The following ROS1 variants were observed in gnomAD, a reference collection of about 807,000 sequenced individuals.
ROS1 encodes ROS proto-oncogene 1, receptor tyrosine kinase, also known as proto-oncogene tyrosine-protein kinase ROS.
ROS1 carries 263 observed loss-of-function variants against 273.5 expected under a neutral mutation model. That is an observed-to-expected ratio of 0.96 (90% CI 0.87 to 1.06). The LOEUF (loss-of-function observed/expected upper bound fraction) is 1.06. ROS1 is among the 50% of genes least tolerant of loss of function. ROS1 has a pLI of 0.00. For synonymous variants in ROS1, 1,008 were observed against 954.1 expected (o/e 1.06, Z -1.04); for missense variants, 2,833 against 2,751.1 (o/e 1.03, Z -0.67).
chr6:117,383,379 T>C lies in ROS1; in HGVS notation c.2419A>G (p.Thr807Ala), dbSNP rs780771072. The change falls in exon 17 of 44, where the codon ACC becomes GCC. Residue 807 changes from threonine to alanine, a missense_variant. By Grantham distance (58) the Thr-to-Ala change is moderately conservative. Coordinates refer to ENST00000368507, the MANE Select transcript of ROS1 (RefSeq NM_001378902.1). ...YWTTLYSVES[T>A]RLNGESSLVL... is the part of the protein sequence containing the mutation. ...AGGGAACTTTCCCCATTTAGTCTGG[T>C]GCTTTCCACTGAATAGAGTGTGGTC... The C allele has an allele frequency of 6.2e-7, 1 of 1,614,024 alleles. No homozygotes were observed. The highest frequency in any genetic ancestry group is 8.5e-7 in the Non-Finnish European group (1 of 1,179,980).
chr6:117,290,537 AT>A (rs1773761169), intron 43 of ROS1, among the ~76,000 whole-genome samples: 1 of 152,248 alleles, frequency 6.6e-6, no homozygotes, highest in Non-Finnish European at 1.5e-5. Context: ...AGAGAGAAAT[AT>A]TAAAATAAAG....
chr6:117,405,770 G>A (rs1040087349), intron 5 of ROS1, among the ~76,000 whole-genome samples: 3 of 152,088 alleles, frequency 2.0e-5, no homozygotes, highest in Non-Finnish European at 4.4e-5. Context: ...TTCAGTACAT[G>A]GCACAGTGGG....
rs114030873 is a variant in ROS1 at position 117,390,674 on chromosome 6, T to A, written c.1290-828A>T. Among the ~76,000 whole-genome samples the A allele has an allele frequency of 7.6e-3, 1,165 of 152,328 alleles. 11 individuals are homozygous for A. Among genetic ancestry groups the A allele is most frequent in the African/African-American group, 0.026 (1,088 of 41,566 alleles). On this transcript the variant is annotated intron_variant, in intron 12 of 43. Transcript: ENST00000368507. The stretch of plus-strand genomic sequence containing the variant: ...ACTTTGCATTTGCAGTGGACTAATT[T>A]TTTTTAATCTACAATTGATGCAGGC...
In ROS1 at chr6:117,341,532, T is replaced by G. The variant is rs770067437; in HGVS notation, c.4752A>C (p.Ser1584=). ...GTGAGATTGCCAACTGATAACGGAC[T>G]GATTCTTTAGGTCCATTTGGCTTGT... is the stretch of plus-strand genomic sequence containing the variant. ...ESHKPNGPKE[S]VRYQLAISHL... Residue 1584 remains serine, a synonymous_variant, in exon 30 of 44, where the codon TCA becomes TCC. Transcript: ENST00000368507. 6 of 1,613,608 alleles carry G rather than the reference T, an allele frequency of 3.7e-6. No homozygotes were observed. In the Admixed American group the frequency reaches 6.7e-5, roughly 18 times the overall value.
chr6:117,395,350 C>T (rs893803328), intron 9 of ROS1, among the ~76,000 whole-genome samples: 4 of 152,122 alleles, frequency 2.6e-5, no homozygotes, highest in African/African-American at 4.8e-5. Context: ...ACCCTTTGGA[C>T]GTGCTTCTTA....
At position 117,330,824 on chromosome 6, in the gene ROS1, A is replaced by T. The variant is rs113262139; in HGVS notation, c.5231-1378T>A. Among the ~76,000 whole-genome samples the T allele has an allele frequency of 9.5e-3, 1,449 of 152,218 alleles. 25 individuals carry two copies. The highest frequency in any genetic ancestry group is 0.032 in the African/African-American group (1,334 of 41,514). ...AACAACAACAAGGGCCCCCACAAAA[A>T]ACCCATACAAGGGTCAGCAGCCTCA... is the stretch of plus-strand genomic sequence containing the variant. On this transcript the variant is annotated intron_variant, in intron 32 of 43. Coordinates refer to ENST00000368507, the MANE Select transcript of ROS1 (RefSeq NM_001378902.1).
chr6:117,394,294 G>T lies in ROS1; in HGVS notation c.1059C>A (p.Leu353=). 2 of 1,609,206 alleles carry T rather than the reference G, an allele frequency of 1.2e-6. No homozygotes were observed. The highest frequency in any genetic ancestry group is 1.1e-5 in the South Asian group (1 of 89,958). Residue 353 remains leucine (L), a synonymous_variant, in exon 11 of 44, where the codon CTC becomes CTA. Coordinates refer to ENST00000368507, the MANE Select transcript of ROS1 (RefSeq NM_001378902.1). ...QQIVYFSEGT[L]IWAKKAANMS... is the part of the protein sequence containing the mutation. ...TGTTGGCAGCCTTCTTCGCCCATAT[G>T]AGAGTTCCTTCAGAGAAATAAACAA...
chr6:117,299,980 T>C lies in ROS1; in HGVS notation c.6715+994A>G, dbSNP rs573325337. 1.2e-4 allele frequency among the ~76,000 whole-genome samples: 17 copies of C among 147,448 alleles called. No individual in the cohort carries two copies. In the East Asian group the frequency reaches 3.2e-3, roughly 28 times the overall value. ...CCCTGTCGCCCAGGCTGGAGTGCAG[T>C]GGCACGATCTCGGCTCACTGCAAGC... On this transcript the variant is annotated intron_variant, in intron 43 of 43. Transcript: ENST00000368507.
At chr6:117,326,787 A>C (rs1294700992) in intron 33 of ROS1, among the ~76,000 whole-genome samples, 21 of 152,160 alleles carry the variant, frequency 1.4e-4, no homozygotes, top group Non-Finnish European at 1.5e-5. Context: ...TCAGTCTTTT[A>C]CATTATTTGT....
intron 12 of ROS1, among the ~76,000 whole-genome samples, chr6:117,392,923 T>A (rs1425528504): frequency 6.6e-6 from 1 of 152,162 alleles, no homozygotes. Context: ...GATAAAGAAG[T>A]GGCAAATCCA....
chr6:117,410,867 TG>T (rs1279714869), intron 4 of ROS1, among the ~76,000 whole-genome samples: 4 of 152,220 alleles, frequency 2.6e-5, no homozygotes, highest in Admixed American at 6.5e-5. Flanking sequence ...AGTTTGGGTT[TG>T]GAATTATTTA....
intron 32 of ROS1, among the ~76,000 whole-genome samples, chr6:117,332,504 G>A (rs1777153489): frequency 6.6e-6 from 1 of 152,064 alleles, no homozygotes; most frequent in African/African-American, 2.4e-5. Flanking sequence ...CCTAGTAGAT[G>A]TCTACAGAAC....
rs758446294 is a variant in ROS1 at position 117,425,683 on chromosome 6, T to C, written c.-27A>G. On this transcript the variant is annotated 5_prime_UTR_variant, in exon 1 of 44. Transcript: ENST00000368507. ...ACTTCACCAATGGCAGATTTTTAGA[T>C]GGCCGGTCTAATTTTCTCCATTTTG... 1.7e-5 allele frequency: 28 copies of C among 1,609,040 alleles called. 1 individual carries two copies. The Admixed American group carries it at 1.9e-4, about 11-fold the overall frequency.
intron 10 of ROS1, 113 bp downstream of exon 10, chr6:117,394,503 G>A: frequency 8.1e-6 from 7 of 861,482 alleles, no homozygotes; most frequent in Non-Finnish European, 1.1e-5. Flanking sequence ...AATATATTAG[G>A]ATATTAAGAG....
chr6:117,421,724 T>A (rs376919367), intron 1 of ROS1, among the ~76,000 whole-genome samples: 4 of 152,200 alleles, frequency 2.6e-5, no homozygotes, highest in African/African-American at 9.6e-5. Flanking sequence ...TCATCTTACA[T>A]GCTTTTATGT....
At chr6:117,347,706 T>A (rs1399533744) in intron 27 of ROS1, among the ~76,000 whole-genome samples, 2 of 152,044 alleles carry the variant, frequency 1.3e-5, no homozygotes, top group African/African-American at 4.8e-5. Context: ...TAACAACAAG[T>A]TTTTTTATAC....
At chr6:117,407,017 C>A (rs1774461921) in intron 5 of ROS1, among the ~76,000 whole-genome samples, 1 of 101,962 alleles carries the variant, frequency 9.8e-6, no homozygotes, top group African/African-American at 4.7e-5. Context: ...CAGTGCACAG[C>A]TTGGACCCCC....
At chr6:117,405,170 TAAATTTGGTAGGGAGCTTA>T (rs1293161777) in intron 5 of ROS1, among the ~76,000 whole-genome samples, 3 of 152,200 alleles carry the variant, frequency 2.0e-5, no homozygotes, top group East Asian at 3.8e-4. Context: ...GAAAGCATGG[TAAATTTGGTAGGGAGCTTA>T]AAATGGTTAA....
At chr6:117,358,476 T>C (rs1327519772) in intron 24 of ROS1, among the ~76,000 whole-genome samples, 4 of 152,038 alleles carry the variant, frequency 2.6e-5, no homozygotes, top group Non-Finnish European at 5.9e-5. Context: ...CCCTTTTTTT[T>C]TTGGAGATGG....
Sources: gnomAD v4.1 joint callset for allele counts (sites outside exome capture counted in the v4.1 genomes callset) on GRCh38, gnomAD v4.1.1 for gene constraint, MANE v1.5 for transcripts, NCBI Gene and HGNC (gene_info 2026-07-23, HGNC 2026-07-21) for gene names.